The following GLT8D2 variants were observed in gnomAD, a reference collection of about 807,000 sequenced individuals.
GLT8D2 encodes glycosyltransferase 8 domain-containing protein 2.
A neutral mutation model predicts 44.5 loss-of-function variants in GLT8D2; 45 were observed. The observed-to-expected ratio is 1.01, with a 90% CI of 0.80 to 1.30. The LOEUF is 1.30. Ranked by LOEUF, GLT8D2 falls within the 50% of genes most tolerant of loss-of-function variation. The probability of loss-of-function intolerance (pLI) is 0.00; values close to 1 mark genes in which losing one functional copy is unlikely to be tolerated. For missense variants in GLT8D2, 400 were observed against 430.4 expected, an observed-to-expected ratio of 0.93 and a Z score of 0.62; for synonymous variants, 156 against 157.2, an observed-to-expected ratio of 0.99 and a Z score of 0.06.
At chr12:104,024,438 A>T (rs1878300040) in intron 1 of GLT8D2, among the ~76,000 whole-genome samples, 1 of 152,164 alleles carries the variant, frequency 6.6e-6, no homozygotes, top group African/African-American at 2.4e-5. Context: ...GTCTGAAAAA[A>T]AAGGAAAAGA....
intron 1 of GLT8D2, among the ~76,000 whole-genome samples, chr12:104,044,371 G>A (rs1880870436): frequency 6.6e-6 from 1 of 152,176 alleles, no homozygotes; most frequent in Non-Finnish European, 1.5e-5. Flanking sequence ...GCCCCATGAA[G>A]GCAGGAAATT....
chr12:104,034,876 G>A (rs1879751631), intron 1 of GLT8D2, among the ~76,000 whole-genome samples: 1 of 152,234 alleles, frequency 6.6e-6, no homozygotes, highest in South Asian at 2.1e-4. Context: ...CTAACTGGGA[G>A]ACACCTCCCA....
intron 1 of GLT8D2, among the ~76,000 whole-genome samples, chr12:104,029,517 G>C (rs114908262): frequency 2.6e-4 from 40 of 152,274 alleles, no homozygotes; most frequent in African/African-American, 9.6e-4. Flanking sequence ...TAGAAAGAGA[G>C]AGAGTGAGAG....
At chr12:104,031,107 C>G (rs1186062303) in intron 1 of GLT8D2, 13 of 796,242 alleles carry the variant, frequency 1.6e-5, no homozygotes. Context: ...CATTGTGAGG[C>G]CCAGGTGAAG....
Position 103,989,245 on chromosome 12 carries a change from T to C in GLT8D2, c.*163A>G. ...ACATGTACTTAAAGAAGTTAATCAA[T>C]GCCTATATGGTCCAAGGTATAATTT... is the stretch of plus-strand genomic sequence containing the variant. On this transcript the variant is annotated 3_prime_UTR_variant, in exon 11 of 11. Transcript: ENST00000360814. The C allele has an allele frequency of 2.0e-6, 1 of 501,580 alleles. No homozygotes were observed. The highest frequency in any genetic ancestry group is 3.5e-6 in the Non-Finnish European group (1 of 287,534). The allele number at this position is 501,580 out of a possible 1,614,324, so 31.1% of individuals were successfully genotyped here.
At chr12:103,994,779 C>T (rs1873204628) in intron 8 of GLT8D2, among the ~76,000 whole-genome samples, 1 of 152,188 alleles carries the variant, frequency 6.6e-6, no homozygotes, top group Non-Finnish European at 1.5e-5. Flanking sequence ...TACCACCCAT[C>T]TGACAGCCCT....
At chr12:104,040,782 G>C (rs1253321731) in intron 1 of GLT8D2, among the ~76,000 whole-genome samples, 6 of 152,080 alleles carry the variant, frequency 3.9e-5, no homozygotes, top group Admixed American at 6.6e-5. Context: ...CGAGTATATA[G>C]GTACTTTTAG....
At chr12:103,996,183 G>C (rs1366428944) in intron 8 of GLT8D2, among the ~76,000 whole-genome samples, 1 of 152,104 alleles carries the variant, frequency 6.6e-6, no homozygotes, top group Non-Finnish European at 1.5e-5. Context: ...CTACCCCTTC[G>C]GTTTCAGCAT....
intron 7 of GLT8D2, 130 bp from the exon 8 acceptor site, chr12:103,996,977 T>G: frequency 1.6e-6 from 1 of 614,982 alleles, no homozygotes; most frequent in African/African-American, 1.8e-5. Context: ...TCAAGTGGCT[T>G]GACTATTTAT....
chr12:104,007,233 GCTCT>G (rs57109528), intron 4 of GLT8D2, among the ~76,000 whole-genome samples: 712 of 66,328 alleles, frequency 0.011, 6 homozygotes, highest in African/African-American at 0.035. Flanking sequence ...TATACTTAAA[GCTCT>G]CTCTCTCTCT....
chr12:104,011,664 C>T (rs970533392), intron 4 of GLT8D2, among the ~76,000 whole-genome samples: 1 of 152,114 alleles, frequency 6.6e-6, no homozygotes, highest in Admixed American at 6.6e-5. Context: ...ACTTAGAACA[C>T]TAGTTCTTTG....
chr12:104,061,367 G>C (rs1882632338), intron 1 of GLT8D2, among the ~76,000 whole-genome samples: 1 of 152,058 alleles, frequency 6.6e-6, no homozygotes, highest in Admixed American at 6.5e-5. Context: ...ATTAGGGTTG[G>C]AACGTTTGAT....
chr12:103,991,012 C>A (rs529003813), intron 10 of GLT8D2, among the ~76,000 whole-genome samples: 50 of 152,288 alleles, frequency 3.3e-4, no homozygotes, highest in Middle Eastern at 3.4e-3. Context: ...TGCCCTTCTG[C>A]CTCCAGAACA....
intron 4 of GLT8D2, chr12:104,014,327 C>T (rs1030463743): frequency 1.4e-6 from 1 of 697,966 alleles, no homozygotes; most frequent in African/African-American, 1.8e-5. Flanking sequence ...TGTATTTGAG[C>T]TGGGGCAACA....
intron 1 of GLT8D2, among the ~76,000 whole-genome samples, chr12:104,028,855 A>C (rs141872979): frequency 3.6e-3 from 543 of 152,312 alleles, no homozygotes; most frequent in Non-Finnish European, 5.9e-3. Context: ...TCTATCATGG[A>C]TAACGTCATG....
intron 10 of GLT8D2, among the ~76,000 whole-genome samples, chr12:103,991,545 G>A (rs2254064): frequency 0.15 from 23,085 of 151,988 alleles, 1,911 homozygotes; most frequent in Admixed American, 0.22. Flanking sequence ...ATAAAATGCC[G>A]TAACCTTATT....
chr12:104,030,494 T>G (rs1406096569), intron 1 of GLT8D2, among the ~76,000 whole-genome samples: 1 of 152,032 alleles, frequency 6.6e-6, no homozygotes, highest in East Asian at 1.9e-4. Flanking sequence ...ATTTTTTGAA[T>G]ATGACACCAA....
chr12:104,030,507 G>A (rs1879115402), intron 1 of GLT8D2, among the ~76,000 whole-genome samples: 1 of 151,960 alleles, frequency 6.6e-6, no homozygotes, highest in African/African-American at 2.4e-5. Context: ...GACACCAAAA[G>A]CACAGTTAAC....
intron 3 of GLT8D2, among the ~76,000 whole-genome samples, chr12:104,016,600 C>T (rs989844413): frequency 1.3e-5 from 2 of 149,502 alleles, no homozygotes; most frequent in Non-Finnish European, 2.9e-5. Flanking sequence ...TGCCACTGCA[C>T]TCCAGTCTGG....
Sources: gnomAD v4.1 joint callset for allele counts (sites outside exome capture counted in the v4.1 genomes callset) on GRCh38, gnomAD v4.1.1 for gene constraint, MANE v1.5 for transcripts, NCBI Gene and HGNC (gene_info 2026-07-23, HGNC 2026-07-21) for gene names.